The following ANKFN1 variants were observed in gnomAD, a reference collection of about 807,000 sequenced individuals.
The protein encoded by ANKFN1 is ankyrin repeat and fibronectin type III domain containing 1.
ANKFN1 carries 74 observed loss-of-function variants against 108.7 expected under a neutral mutation model. That is an observed-to-expected ratio of 0.68 (90% CI 0.56 to 0.83). The LOEUF is 0.83. ANKFN1 is among the 40% of genes least tolerant of loss of function. ANKFN1 has a pLI of 0.00. For missense variants in ANKFN1, 1,505 were observed against 1,382.3 expected (o/e 1.09, Z -1.41); for synonymous variants, 547 against 516.2 (o/e 1.06, Z -0.81).
intron 8 of ANKFN1, among the ~76,000 whole-genome samples, chr17:56,376,276 C>A (rs1464114739): frequency 2.6e-5 from 4 of 152,164 alleles, no homozygotes; most frequent in Non-Finnish European, 5.9e-5. Flanking sequence ...CCAGATAACG[C>A]CACTGTGTTT....
intron 8 of ANKFN1, among the ~76,000 whole-genome samples, chr17:56,387,119 T>C (rs1000926772): frequency 1.3e-5 from 2 of 152,126 alleles, no homozygotes; most frequent in African/African-American, 4.8e-5. Flanking sequence ...GATTCATAAA[T>C]TCTATTTTAT....
chr17:56,383,015 A>G (rs1378569748), intron 8 of ANKFN1, among the ~76,000 whole-genome samples: 1 of 152,182 alleles, frequency 6.6e-6, no homozygotes, highest in African/African-American at 2.4e-5. Context: ...CCCCAAATCA[A>G]CAGAATATAC....
chr17:56,244,608 T>C (rs79895467), intron 3 of ANKFN1, among the ~76,000 whole-genome samples: 1 of 152,156 alleles, frequency 6.6e-6, no homozygotes, highest in Admixed American at 6.6e-5. Context: ...CTTGAAACTA[T>C]ATGCTGAGTC....
At chr17:56,064,377 G>A (rs996156757) in intron 4 of ANKFN1, among the ~76,000 whole-genome samples, 8 of 152,350 alleles carry the variant, frequency 5.3e-5, no homozygotes, top group South Asian at 2.1e-4. Flanking sequence ...CACCACTCCC[G>A]CTAGGGGCTC....
At chr17:56,106,715 C>T (rs1905759274) in intron 4 of ANKFN1, among the ~76,000 whole-genome samples, 2 of 152,098 alleles carry the variant, frequency 1.3e-5, no homozygotes, top group African/African-American at 4.8e-5. Flanking sequence ...ATTTGCTTTT[C>T]CTCAAAAATC....
intron 3 of ANKFN1, among the ~76,000 whole-genome samples, chr17:56,244,400 G>A (rs140695941): frequency 2.1e-4 from 32 of 152,162 alleles, no homozygotes; most frequent in African/African-American, 7.0e-4. Flanking sequence ...AAAGTCACAT[G>A]CCTAGAAGAC....
chr17:56,437,444 G>A (rs7211753), intron 8 of ANKFN1, among the ~76,000 whole-genome samples: 18,899 of 152,100 alleles, frequency 0.12, 3,931 homozygotes, highest in African/African-American at 0.43. Context: ...TTGATTTTCA[G>A]CCTTCAGCTT....
chr17:56,289,906 G>A (rs547421911), intron 3 of ANKFN1, among the ~76,000 whole-genome samples: 1 of 152,092 alleles, frequency 6.6e-6, no homozygotes, highest in South Asian at 2.1e-4. Context: ...CATATACTTG[G>A]TCTCCTGTGG....
intron 8 of ANKFN1, among the ~76,000 whole-genome samples, chr17:56,384,142 G>A (rs1244396325): frequency 6.6e-6 from 1 of 152,132 alleles, no homozygotes; most frequent in Non-Finnish European, 1.5e-5. Context: ...GATCAAGTGG[G>A]CTTCATCCCT....
intron 3 of ANKFN1, among the ~76,000 whole-genome samples, chr17:56,308,541 A>C (rs1008922758): frequency 1.3e-5 from 2 of 152,140 alleles, no homozygotes; most frequent in Non-Finnish European, 2.9e-5. Context: ...TCTAGTGAGC[A>C]TTTCAATAAA....
intron 3 of ANKFN1, among the ~76,000 whole-genome samples, chr17:56,308,202 C>T (rs188725095): frequency 4.0e-5 from 6 of 150,130 alleles, no homozygotes; most frequent in Middle Eastern, 7.0e-3. Flanking sequence ...CTAACATGCA[C>T]GTTGTGCACA....
At chr17:56,452,347 T>C (rs1443512286) in intron 11 of ANKFN1, among the ~76,000 whole-genome samples, 1 of 152,198 alleles carries the variant, frequency 6.6e-6, no homozygotes, top group Non-Finnish European at 1.5e-5. Context: ...AAGTACAGTA[T>C]AGAAGCCACA....
At chr17:56,132,185 C>T (rs1344363799) in intron 4 of ANKFN1, among the ~76,000 whole-genome samples, 2 of 152,220 alleles carry the variant, frequency 1.3e-5, no homozygotes, top group Non-Finnish European at 2.9e-5. Flanking sequence ...CATCTTAGTC[C>T]AGCCTCGTTG....
intron 8 of ANKFN1, among the ~76,000 whole-genome samples, chr17:56,428,026 A>G (rs1180465833): frequency 6.6e-6 from 1 of 152,126 alleles, no homozygotes; most frequent in Non-Finnish European, 1.5e-5. Context: ...TGAGATCAAG[A>G]GTTCAAGACC....
At chr17:56,387,685 C>T (rs2047314880) in intron 8 of ANKFN1, among the ~76,000 whole-genome samples, 1 of 151,972 alleles carries the variant, frequency 6.6e-6, no homozygotes, top group South Asian at 2.1e-4. Context: ...TGGTTTTTTT[C>T]CTTAAAATAT....
intron 4 of ANKFN1, among the ~76,000 whole-genome samples, chr17:56,123,916 T>G (rs1906774955): frequency 6.6e-6 from 1 of 151,564 alleles, no homozygotes; most frequent in African/African-American, 2.4e-5. Context: ...CATTCCCCAG[T>G]AGGCTTAGTC....
At chr17:56,363,140 C>T (rs948341770) in intron 6 of ANKFN1, among the ~76,000 whole-genome samples, 4 of 152,084 alleles carry the variant, frequency 2.6e-5, no homozygotes, top group Non-Finnish European at 5.9e-5. Flanking sequence ...AGGAGAATCG[C>T]TTGAACACGG....
chr17:56,257,506 T>C (rs2043387746), intron 3 of ANKFN1, among the ~76,000 whole-genome samples: 1 of 152,176 alleles, frequency 6.6e-6, no homozygotes, highest in Non-Finnish European at 1.5e-5. Flanking sequence ...CCAGATGATA[T>C]GGTGGTGGGA....
rs2045383871 is a variant in ANKFN1, at chr17:56,322,049, T to C, written c.54-4172T>C. On this transcript the variant is annotated intron_variant, in intron 3 of 20. Coordinates refer to ENST00000682825, the MANE Select transcript of ANKFN1 (RefSeq NM_001370326.1). ...CTGGGCTAAAATCTTTACCTGGTGCTAAATGGGTTCTTCAAAGCATTCTAT... is the reference window on the plus strand; with the variant it reads ...CTGGGCTAAAATCTTTACCTGGTGCCAAATGGGTTCTTCAAAGCATTCTAT... Among the ~76,000 whole-genome samples, 4 of 152,292 alleles carry C rather than the reference T, an allele frequency of 2.6e-5. No individual in the cohort carries two copies. In the South Asian group the frequency reaches 6.2e-4, roughly 24 times the overall value.
Sources: allele counts gnomAD v4.1 joint callset (sites outside exome capture counted in the v4.1 genomes callset), GRCh38; gene constraint gnomAD v4.1.1; transcripts MANE v1.5; gene names NCBI Gene and HGNC (gene_info 2026-07-23, HGNC 2026-07-21).